SUGP2: variants seen among roughly 807,000 people sequenced by gnomAD.
SUGP2 encodes the protein SURP and G-patch domain containing 2, also known as SURP and G-patch domain-containing protein 2.
Under a neutral mutation model 90.5 loss-of-function variants are expected in SUGP2, and 24 were observed. The observed-to-expected ratio is 0.27, with a 90% confidence interval of 0.19 to 0.37. The LOEUF (loss-of-function observed/expected upper bound fraction) is 0.37, where lower values mean the gene tolerates loss of function less well. Ranked by LOEUF, SUGP2 falls within the 10% of genes least tolerant of loss-of-function variation. SUGP2 has a pLI of 1.00. For synonymous variants in SUGP2, 473 were observed against 513.4 expected (o/e 0.92, Z 1.06); for missense variants, 1,233 against 1,363.3 (o/e 0.90, Z 1.51).
intron 3 of SUGP2, 86 bp from the exon 4 acceptor site, chr19:19,019,315 G>C: frequency 6.9e-7 from 1 of 1,453,282 alleles, no homozygotes; most frequent in Non-Finnish European, 9.3e-7. Context: ...TGGGGGCTTA[G>C]TGCTGAACCC....
intron 6 of SUGP2, among the ~76,000 whole-genome samples, chr19:19,006,062 C>T (rs1016001955): frequency 6.6e-6 from 1 of 151,958 alleles, no homozygotes; most frequent in Non-Finnish European, 1.5e-5. Flanking sequence ...AACCCCGTCT[C>T]TACTAAAAAT....
At chr19:19,012,162 G>C (rs1021501717) in intron 4 of SUGP2, among the ~76,000 whole-genome samples, 6 of 152,200 alleles carry the variant, frequency 3.9e-5, no homozygotes, top group Admixed American at 2.0e-4. Context: ...CTGACAAAAC[G>C]ACTGAGTACC....
intron 4 of SUGP2, among the ~76,000 whole-genome samples, chr19:19,014,224 C>T (rs989506680): frequency 6.6e-6 from 1 of 152,136 alleles, no homozygotes; most frequent in African/African-American, 2.4e-5. Context: ...AATTCCTGAC[C>T]TCATGCGGCC....
intron 2 of SUGP2, among the ~76,000 whole-genome samples, chr19:19,029,833 C>G (rs2059080867): frequency 6.6e-6 from 1 of 151,902 alleles, no homozygotes; most frequent in Admixed American, 6.6e-5. Context: ...ATCTCAGCTA[C>G]TCGGGAGGCT....
intron 6 of SUGP2, among the ~76,000 whole-genome samples, chr19:19,006,242 C>T (rs1252570015): frequency 2.5e-5 from 3 of 118,094 alleles, no homozygotes; most frequent in Non-Finnish European, 5.7e-5. Context: ...ATAAATAAAA[C>T]GGATTGTATG....
intron 3 of SUGP2, 107 bp downstream of exon 3, chr19:19,024,512 A>T: frequency 7.7e-7 from 1 of 1,301,530 alleles, no homozygotes; most frequent in Non-Finnish European, 1.0e-6. Flanking sequence ...AAATCCTGAT[A>T]TGTTTCCAAT....
At chr19:18,995,449 G>A (rs1388537735) in intron 8 of SUGP2, among the ~76,000 whole-genome samples, 169 bp from the exon 9 acceptor site, 1 of 152,212 alleles carries the variant, frequency 6.6e-6, no homozygotes, top group Non-Finnish European at 1.5e-5. Flanking sequence ...ATCCCTGGGT[G>A]GGATGGAACT....
intron 4 of SUGP2, among the ~76,000 whole-genome samples, chr19:19,013,254 G>A (rs1488053640): frequency 1.3e-5 from 2 of 152,156 alleles, no homozygotes; most frequent in Non-Finnish European, 2.9e-5. Context: ...CTATATGTTC[G>A]TGATGACTTT....
In SUGP2 at chr19:19,025,634, C is replaced by T. The variant is rs1228079527; in HGVS notation, c.714G>A (p.Lys238=). Residue 238 remains lysine, a synonymous_variant, in exon 3 of 11, where the codon AAG becomes AAA. Transcript: ENST00000452918. The part of the protein sequence containing the change: ...KGETQGLLTA[K]GGVGKLVTLR... ...ATGTGACAAGTTTCCCAACACCCCC[C>T]TTAGCTGTGAGCAGGCCCTGAGTCT... The T allele has an allele frequency of 4.3e-6, 7 of 1,614,060 alleles. No homozygotes were observed. Among genetic ancestry groups the T allele is most frequent in the African/African-American group, 2.7e-5 (2 of 74,996 alleles).
intron 8 of SUGP2, among the ~76,000 whole-genome samples, chr19:19,000,362 C>A (rs1016009249): frequency 6.6e-6 from 1 of 152,308 alleles, no homozygotes; most frequent in Middle Eastern, 3.4e-3. Context: ...TGACCTGCTT[C>A]TCTTTGCCCA....
In SUGP2 at chr19:18,994,377, C is replaced by T. The variant is rs778332837; in HGVS notation, c.3238G>A (p.Ala1080Thr). Residue 1080 changes from alanine to threonine, a missense_variant, in exon 10 of 11, where the codon GCC (alanine) becomes ACC (threonine). Ala to Thr is a moderately conservative substitution (Grantham distance 58). Around this residue, in one of 8 missense-constraint regions of SUGP2, gnomAD observed 53 missense variants for 55.3 expected, o/e 0.96. Coordinates refer to ENST00000452918, the MANE Select transcript of SUGP2 (RefSeq NM_001017392.5). ...GCCTGTGAACATACCTATTTGTTGG[C>T]CCGCTTGTGTCTGTACATCTGCATC... ...RMMQMYRHKR[A>T]NK is the part of the protein sequence containing the mutation. The T allele has an allele frequency of 6.2e-7, 1 of 1,614,138 alleles. No individual in the cohort carries two copies. The highest frequency in any genetic ancestry group is 2.2e-5 in the East Asian group (1 of 44,884).
rs371668879 is a variant in SUGP2, at chr19:19,004,361, C to T, written c.2736G>A (p.Ala912=). 156 of 1,613,460 alleles carry T rather than the reference C, an allele frequency of 9.7e-5. No homozygotes were observed. In the East Asian group the frequency reaches 2.8e-3, roughly 29 times the overall value. The change falls in exon 7 of 11, where the codon GCG becomes GCA. Residue 912 remains alanine, a synonymous_variant. Transcript: ENST00000452918. ...CAGGGGTGCTGCCCTCAGACTTGCC[C>T]GCCCCTCCAGGAGCGGGGGCCTCCT... is the stretch of plus-strand genomic sequence containing the variant. ...GGEEAPAPGG[A]GKSEGSTPAD...
At chr19:19,016,233 G>A (rs761854196) in intron 4 of SUGP2, among the ~76,000 whole-genome samples, 4 of 151,840 alleles carry the variant, frequency 2.6e-5, no homozygotes, top group Non-Finnish European at 4.4e-5. Context: ...GGGTTTCACC[G>A]TGTTCGCCAG....
chr19:19,029,282 C>T (rs1411160394), intron 2 of SUGP2, among the ~76,000 whole-genome samples: 1 of 151,742 alleles, frequency 6.6e-6, no homozygotes, highest in Non-Finnish European at 1.5e-5. Context: ...GCTGGGACTA[C>T]AGGCGCCCGC....
At chr19:18,999,838 C>T (rs2057761912) in intron 8 of SUGP2, among the ~76,000 whole-genome samples, 2 of 152,166 alleles carry the variant, frequency 1.3e-5, no homozygotes, top group South Asian at 2.1e-4. Flanking sequence ...GTGTACCTGC[C>T]CCCTTTCCAT....
Position 18,992,497 on chromosome 19 carries a change from C to A in SUGP2, c.*1244G>T. The A allele has an allele frequency of 6.6e-6, 1 of 152,054 alleles. No homozygotes were observed. Among genetic ancestry groups the A allele is most frequent in the Non-Finnish European group, 1.5e-5 (1 of 68,076 alleles). The allele number at this position is 152,054 out of a possible 1,614,324, so 9.4% of individuals were successfully genotyped here. A position where few individuals can be genotyped will look rare whatever the true frequency, so the allele number is the denominator to read the frequency against. ...CCTGAGTAGCTGGGATTACAGGTGCCCGCTACCACGCCTGGCTAATTTTTT... is the reference window on the plus strand; with the variant it reads ...CCTGAGTAGCTGGGATTACAGGTGCACGCTACCACGCCTGGCTAATTTTTT... On this transcript the variant is annotated 3_prime_UTR_variant, in exon 11 of 11. Coordinates refer to ENST00000452918, the MANE Select transcript of SUGP2 (RefSeq NM_001017392.5).
chr19:19,007,756 T>C (rs944460396), intron 6 of SUGP2, among the ~76,000 whole-genome samples: 21 of 98,338 alleles, frequency 2.1e-4, no homozygotes, highest in Admixed American at 2.0e-3. Flanking sequence ...GCACCTAGCC[T>C]TTTTTTTTTT....
At chr19:19,029,014 T>C (rs527415227) in intron 2 of SUGP2, among the ~76,000 whole-genome samples, 1 of 152,278 alleles carries the variant, frequency 6.6e-6, no homozygotes, top group African/African-American at 2.4e-5. Flanking sequence ...GGTCTCACTC[T>C]TTGGCCCAGG....
chr19:19,023,926 C>G (rs2058824775), intron 3 of SUGP2, among the ~76,000 whole-genome samples: 1 of 151,888 alleles, frequency 6.6e-6, no homozygotes, highest in African/African-American at 2.4e-5. Flanking sequence ...AAAGTCAACC[C>G]TTCTTTTTTT....
Sources: gnomAD v4.1 joint callset for allele counts (sites outside exome capture counted in the v4.1 genomes callset) on GRCh38, gnomAD v4.1.1 for gene constraint, gnomAD v4.1.1 regional missense constraint, MANE v1.5 for transcripts, NCBI Gene and HGNC (gene_info 2026-07-23, HGNC 2026-07-21) for gene names.